TBCA: variants seen among roughly 807,000 people sequenced by gnomAD.
TBCA encodes tubulin folding cofactor A.
In TBCA, 6 loss-of-function variants were observed where a neutral mutation model predicts 15.8. The ratio of observed to expected loss-of-function variants is 0.38; its 90% confidence interval spans 0.21 to 0.75. The LOEUF (loss-of-function observed/expected upper bound fraction) is 0.75, where lower values mean the gene tolerates loss of function less well. Among genes scored for constraint, TBCA ranks in the 30% least tolerant of loss-of-function variants. The probability of loss-of-function intolerance (pLI) is 0.46; values close to 1 mark genes in which losing one functional copy is unlikely to be tolerated. For missense variants in TBCA, 90 were observed against 131.2 expected (o/e 0.69, Z 1.53); for synonymous variants, 32 against 42.3 (o/e 0.76, Z 0.94).
Position 77,736,998 on chromosome 5 carries a change from T to G in TBCA, c.54-28651A>C, listed in dbSNP as rs932394458. ...TAAACTAAAGGCATATATGTATACA[T>G]TGTTTCTGGAATCTAGAAAAGACTT... On this transcript the variant is annotated intron_variant, in intron 1 of 3. Transcript: ENST00000380377. Among the ~76,000 whole-genome samples the G allele has an allele frequency of 1.3e-5, 2 of 152,180 alleles. 1 individual carries two copies. Among genetic ancestry groups the G allele is most frequent in the Non-Finnish European group, 2.9e-5 (2 of 68,020 alleles).
At chr5:77,723,060 G>C (rs1268731588) in intron 1 of TBCA, among the ~76,000 whole-genome samples, 1 of 151,520 alleles carries the variant, frequency 6.6e-6, no homozygotes, top group African/African-American at 2.4e-5. Flanking sequence ...TTAGTAGAAA[G>C]TAGCTATACC....
chr5:77,752,674 T>TC (rs1350172385), intron 1 of TBCA, among the ~76,000 whole-genome samples: 1 of 115,046 alleles, frequency 8.7e-6, no homozygotes, highest in Non-Finnish European at 1.9e-5. Context: ...TTCTCCTGCC[T>TC]CAGCCTCCCG....
chr5:77,731,466 C>T (rs1219645126), intron 1 of TBCA, among the ~76,000 whole-genome samples: 1 of 152,150 alleles, frequency 6.6e-6, no homozygotes, highest in Admixed American at 6.5e-5. Flanking sequence ...TGCTCACAAC[C>T]ATGCCAATAA....
At chr5:77,748,093 C>T (rs1162765012) in intron 1 of TBCA, among the ~76,000 whole-genome samples, 2 of 151,978 alleles carry the variant, frequency 1.3e-5, no homozygotes, top group Non-Finnish European at 2.9e-5. Context: ...TCAGCTATCA[C>T]AAAATTATTT....
At chr5:77,731,760 C>T (rs1343797105) in intron 1 of TBCA, among the ~76,000 whole-genome samples, 2 of 151,994 alleles carry the variant, frequency 1.3e-5, no homozygotes, top group South Asian at 2.1e-4. Context: ...TCTATATAAT[C>T]GCCTATCAAT....
chr5:77,724,812 G>A (rs1746596170), intron 1 of TBCA, among the ~76,000 whole-genome samples: 1 of 152,098 alleles, frequency 6.6e-6, no homozygotes, highest in South Asian at 2.1e-4. Flanking sequence ...TTCAGGAAAC[G>A]TGTACACTAG....
At chr5:77,765,955 T>C (rs1041016667) in intron 1 of TBCA, among the ~76,000 whole-genome samples, 3 of 151,922 alleles carry the variant, frequency 2.0e-5, no homozygotes, top group African/African-American at 7.3e-5. Flanking sequence ...ATTCGTACAT[T>C]CATACTTGAA....
At chr5:77,724,503 G>T (rs1468731399) in intron 1 of TBCA, among the ~76,000 whole-genome samples, 2 of 151,976 alleles carry the variant, frequency 1.3e-5, no homozygotes, top group African/African-American at 4.8e-5. Flanking sequence ...ACATGTCAGA[G>T]GACAATACTA....
At position 77,763,981 on chromosome 5, in the gene TBCA, C is replaced by T. The variant is rs138979885; in HGVS notation, c.53+12224G>A. On this transcript the variant is annotated intron_variant, in intron 1 of 3. Transcript: ENST00000380377. Reference sequence around the variant, plus strand: ...TAATAAGTGAAACAATCCAAATGCTCATCAATAAGAGGAATGGATAAATTG... The same window carrying T: ...TAATAAGTGAAACAATCCAAATGCTTATCAATAAGAGGAATGGATAAATTG... 2.7e-3 allele frequency among the ~76,000 whole-genome samples: 413 copies of T among 152,170 alleles called. 1 individual carries two copies. Among genetic ancestry groups the T allele is most frequent in the Middle Eastern group, 0.014 (4 of 292 alleles).
At chr5:77,743,322 G>T (rs1280768650) in intron 1 of TBCA, among the ~76,000 whole-genome samples, 1 of 152,200 alleles carries the variant, frequency 6.6e-6, no homozygotes, top group South Asian at 2.1e-4. Context: ...TAATCTGTAT[G>T]TTAGCCAGTC....
At chr5:77,742,945 C>T in intron 1 of TBCA, among the ~76,000 whole-genome samples, 1 of 152,146 alleles carries the variant, frequency 6.6e-6, no homozygotes, top group East Asian at 1.9e-4. Flanking sequence ...TCATTGTTTG[C>T]AAGTCTGGGG....
chr5:77,770,910 T>C (rs1050945894), intron 1 of TBCA, among the ~76,000 whole-genome samples: 10 of 151,854 alleles, frequency 6.6e-5, no homozygotes, highest in Admixed American at 5.9e-4. Flanking sequence ...CCACGGCAGG[T>C]GGATCACCTG....
At chr5:77,703,974 GTTCTCC>G (rs779071278) in intron 2 of TBCA, among the ~76,000 whole-genome samples, 2 of 152,062 alleles carry the variant, frequency 1.3e-5, no homozygotes, top group Non-Finnish European at 2.9e-5. Context: ...CTTCCCACTT[GTTCTCC>G]TTCTCTCTCT....
rs905816871 is a variant in TBCA at position 77,776,017 on chromosome 5, G to A, written c.53+188C>T. 2.0e-4 allele frequency among the ~76,000 whole-genome samples: 31 copies of A among 152,166 alleles called. 1 individual carries two copies. The highest frequency in any genetic ancestry group is 1.6e-3 in the Admixed American group (25 of 15,286). On this transcript the variant is annotated intron_variant, in intron 1 of 3. Coordinates refer to ENST00000380377, the MANE Select transcript of TBCA (RefSeq NM_004607.3). ...GAGAGGGACGGGAAGCGGCGTGCGA[G>A]GCTGGCGGGCTCGGGCGTCAGCGCG...
At chr5:77,752,348 T>C (rs1437880964) in intron 1 of TBCA, among the ~76,000 whole-genome samples, 1 of 152,168 alleles carries the variant, frequency 6.6e-6, no homozygotes, top group Non-Finnish European at 1.5e-5. Flanking sequence ...TTTAGGTTTA[T>C]CTGTATAATT....
At chr5:77,732,179 T>C (rs1746787599) in intron 1 of TBCA, among the ~76,000 whole-genome samples, 1 of 152,202 alleles carries the variant, frequency 6.6e-6, no homozygotes, top group Non-Finnish European at 1.5e-5. Context: ...TTTCTAGAGC[T>C]ATAGCTTCTC....
intron 1 of TBCA, among the ~76,000 whole-genome samples, chr5:77,759,476 T>A (rs1160402877): frequency 6.6e-6 from 1 of 152,196 alleles, no homozygotes; most frequent in Non-Finnish European, 1.5e-5. Flanking sequence ...TCAGGTTAAA[T>A]TTTACAGTGC....
intron 2 of TBCA, among the ~76,000 whole-genome samples, chr5:77,702,811 C>T (rs1746051914): frequency 6.6e-6 from 1 of 152,152 alleles, no homozygotes; most frequent in African/African-American, 2.4e-5. Flanking sequence ...ATTTAAAAAG[C>T]AAGTGTATTA....
At chr5:77,693,783 G>A (rs1300597065) in intron 2 of TBCA, among the ~76,000 whole-genome samples, 6 of 102,448 alleles carry the variant, frequency 5.9e-5, no homozygotes. Flanking sequence ...TGGGCAACAA[G>A]AGTGAAACTC....
Sources: allele counts gnomAD v4.1 joint callset (sites outside exome capture counted in the v4.1 genomes callset), GRCh38; gene constraint gnomAD v4.1.1; transcripts MANE v1.5; gene names NCBI Gene and HGNC (gene_info 2026-07-23, HGNC 2026-07-21).